ADAM7: variants seen among roughly 807,000 people sequenced by gnomAD.
ADAM7 encodes ADAM metallopeptidase domain 7, also known as disintegrin and metalloproteinase domain-containing protein 7.
In ADAM7, 97 loss-of-function variants were observed where a neutral mutation model predicts 102.9. That is an observed-to-expected ratio of 0.94 (90% CI 0.80 to 1.12). ADAM7 has a LOEUF of 1.12. ADAM7 is among the 50% of genes most tolerant of loss of function. The pLI, the probability that ADAM7 is intolerant of heterozygous loss-of-function variation, is 0.00. For missense variants in ADAM7, 991 were observed against 908.7 expected (o/e 1.09, Z -1.16); for synonymous variants, 334 against 304.4 (o/e 1.10, Z -1.01).
intron 6 of ADAM7, among the ~76,000 whole-genome samples, chr8:24,468,182 A>G (rs1197108026): frequency 6.6e-6 from 1 of 152,176 alleles, no homozygotes; most frequent in Non-Finnish European, 1.5e-5. Flanking sequence ...CAGGGGAAGG[A>G]GTACAAGAAA....
chr8:24,494,856 T>G (rs1186798022), intron 16 of ADAM7, among the ~76,000 whole-genome samples: 1 of 152,216 alleles, frequency 6.6e-6, no homozygotes, highest in African/African-American at 2.4e-5. Context: ...GAAAACATTT[T>G]GGTAATAATT....
chr8:24,468,923 A>C (rs1172637749), intron 7 of ADAM7, 103 bp downstream of exon 7: 8 of 1,098,820 alleles, frequency 7.3e-6, no homozygotes, highest in Non-Finnish European at 1.0e-5. Context: ...GTTCTATTCT[A>C]GGCTCAAAGT....
intron 3 of ADAM7, among the ~76,000 whole-genome samples, chr8:24,448,417 G>A (rs1323725712): frequency 6.6e-6 from 1 of 152,086 alleles, no homozygotes; most frequent in East Asian, 1.9e-4. Flanking sequence ...TACACACAGA[G>A]AGCAGTTTAA....
chr8:24,464,574 A>G (rs1409908042), intron 4 of ADAM7, among the ~76,000 whole-genome samples: 1 of 152,186 alleles, frequency 6.6e-6, no homozygotes, highest in Non-Finnish European at 1.5e-5. Context: ...TTAAAAAAGT[A>G]TTTCCTCCAT....
At position 24,489,349 on chromosome 8, in the gene ADAM7, G is replaced by C; in HGVS notation, c.1266+16G>C. Reference sequence around the variant, plus strand: ...CCCTGCTCAGGTATTTGCAAATGAAGCTATCTTTAAATTGCAAAATTTATG... The same window carrying C: ...CCCTGCTCAGGTATTTGCAAATGAACCTATCTTTAAATTGCAAAATTTATG... On this transcript the variant is annotated intron_variant, in intron 12 of 21. Transcript: ENST00000175238. 6.3e-7 allele frequency: 1 copy of C among 1,592,896 alleles called. No homozygotes were observed. Among genetic ancestry groups the C allele is most frequent in the Non-Finnish European group, 8.5e-7 (1 of 1,170,126 alleles).
chr8:24,451,828 C>T (rs1171406752), intron 3 of ADAM7, among the ~76,000 whole-genome samples: 1 of 149,640 alleles, frequency 6.7e-6, no homozygotes, highest in Non-Finnish European at 1.5e-5. Context: ...TGAATGCGTC[C>T]CAGAGATTCT....
chr8:24,449,970 C>T (rs1585852431), intron 3 of ADAM7, among the ~76,000 whole-genome samples: 2 of 152,170 alleles, frequency 1.3e-5, no homozygotes, highest in South Asian at 2.1e-4. Flanking sequence ...AGATATGTGG[C>T]CTTATTTCTG....
At chr8:24,506,109 T>G in intron 20 of ADAM7, 1 of 1,550,174 alleles carries the variant, frequency 6.5e-7, no homozygotes, top group African/African-American at 1.4e-5. Flanking sequence ...TCCAGAATCC[T>G]TGGAAAGCCT....
In ADAM7 at chr8:24,485,302, CA is replaced by C; in HGVS notation, c.903del (p.Gly302GlufsTer27). On this transcript the variant is annotated frameshift_variant, in exon 10 of 22. Coordinates refer to ENST00000175238, the MANE Select transcript of ADAM7 (RefSeq NM_003817.4). LOFTEE classifies it high-confidence loss of function. The part of the protein sequence containing the change: ...LSGKWLYSHV[Q>X]GISYPGGMCL... Reference sequence around the variant, plus strand: ...TGGGAAGTGGCTCTACTCACATGTGCAAGGAATTTCTTATCCAGGGGGTATG... The same window carrying C: ...TGGGAAGTGGCTCTACTCACATGTGCAGGAATTTCTTATCCAGGGGGTATG... 2 of 1,613,554 alleles carry C rather than the reference CA, an allele frequency of 1.2e-6. No individual in the cohort carries two copies. The highest frequency in any genetic ancestry group is 1.7e-6 in the Non-Finnish European group (2 of 1,179,742).
intron 2 of ADAM7, among the ~76,000 whole-genome samples, chr8:24,443,529 G>A (rs1335652504): frequency 2.0e-5 from 3 of 152,188 alleles, no homozygotes; most frequent in Admixed American, 6.5e-5. Flanking sequence ...TGTCTTGGCT[G>A]AAGATTGGTA....
At position 24,463,948 on chromosome 8, in the gene ADAM7, T is replaced by A; in HGVS notation, c.300T>A (p.His100Gln). ...YSMKGEAFTR[H>Q]PQIMDHCFYQ... is the part of the protein sequence containing the mutation. ...TGAAAGGAGAAGCGTTCACCAGGCA[T>A]CCTCAGATCATGGTATCTTATGGAA... Residue 100 changes from histidine (H) to glutamine (Q), a missense_variant, in exon 4 of 22, where the codon CAT (histidine) becomes CAA (glutamine). Transcript: ENST00000175238. 6.2e-7 allele frequency: 1 copy of A among 1,612,560 alleles called. No individual in the cohort carries two copies. Among genetic ancestry groups the A allele is most frequent in the Non-Finnish European group, 8.5e-7 (1 of 1,178,712 alleles).
At chr8:24,449,681 T>C (rs967267982) in intron 3 of ADAM7, among the ~76,000 whole-genome samples, 71 of 152,294 alleles carry the variant, frequency 4.7e-4, no homozygotes, top group African/African-American at 1.3e-3. Context: ...ATTTTGGCTT[T>C]TGTTGCCATT....
At chr8:24,460,125 T>C (rs1819187886) in intron 3 of ADAM7, among the ~76,000 whole-genome samples, 1 of 152,150 alleles carries the variant, frequency 6.6e-6, no homozygotes, top group African/African-American at 2.4e-5. Flanking sequence ...TTGTGTATTT[T>C]GCAGTTTGTT....
At chr8:24,457,675 T>C (rs990061510) in intron 3 of ADAM7, among the ~76,000 whole-genome samples, 1 of 152,194 alleles carries the variant, frequency 6.6e-6, no homozygotes, top group African/African-American at 2.4e-5. Context: ...AAGTAAAAAT[T>C]TATAATTTTA....
At chr8:24,447,323 C>A in intron 3 of ADAM7, 61 bp downstream of exon 3, 1 of 935,586 alleles carries the variant, frequency 1.1e-6, no homozygotes, top group Non-Finnish European at 1.5e-6. Context: ...AGCCAATTTT[C>A]GTAAAAACTG....
In ADAM7 at chr8:24,490,828, C is replaced by G; in HGVS notation, c.1296C>G (p.His432Gln). The change falls in exon 13 of 22, where the codon CAC (histidine) becomes CAG (glutamine). Residue 432 changes from histidine to glutamine, a missense_variant. Physicochemically the swap from His to Gln is conservative, Grantham distance 24. Coordinates refer to ENST00000175238, the MANE Select transcript of ADAM7 (RefSeq NM_003817.4). ...GTACTAATCCTTGCTGTGATGCACA[C>G]ACATGTGTACTGAAGCCAGGATTTA... ...QECTNPCCDA[H>Q]TCVLKPGFTC... 6.2e-7 allele frequency: 1 copy of G among 1,613,762 alleles called. No homozygotes were observed. The highest frequency in any genetic ancestry group is 8.5e-7 in the Non-Finnish European group (1 of 1,179,766).
At chr8:24,507,411 C>G in intron 20 of ADAM7, 69 bp from the exon 21 acceptor site, 2 of 1,246,808 alleles carry the variant, frequency 1.6e-6, no homozygotes, top group Non-Finnish European at 2.4e-6. Context: ...ACATGCATGT[C>G]TGTGTGTGGA....
chr8:24,506,296 G>A, intron 20 of ADAM7: 1 of 703,568 alleles, frequency 1.4e-6, no homozygotes. Context: ...GGTAGAAATG[G>A]GACACTCTGA....
In ADAM7 at chr8:24,466,817, C is replaced by G; in HGVS notation, c.408C>G (p.Asn136Lys). Reference sequence around the variant, plus strand: ...TCTACAGGGGATTCTTCAGAATAAACGACCAAAGATACCTCATTGAACCAG... The same window carrying G: ...TCTACAGGGGATTCTTCAGAATAAAGGACCAAAGATACCTCATTGAACCAG... ...CNGLRGFFRI[N>K]DQRYLIEPVK... The change falls in exon 6 of 22, where the codon AAC becomes AAG. Residue 136 changes from asparagine to lysine, a missense_variant. By Grantham distance (94) the Asn-to-Lys change is moderately conservative. Transcript: ENST00000175238. 1.2e-6 allele frequency: 2 copies of G among 1,612,628 alleles called. No homozygotes were observed. The highest frequency in any genetic ancestry group is 1.7e-6 in the Non-Finnish European group (2 of 1,179,612).
Sources: gnomAD v4.1 joint callset for allele counts (sites outside exome capture counted in the v4.1 genomes callset) on GRCh38, gnomAD v4.1.1 for gene constraint, MANE v1.5 for transcripts, NCBI Gene and HGNC (gene_info 2026-07-23, HGNC 2026-07-21) for gene names.